The following C2orf80 variants were observed in gnomAD, a reference collection of about 807,000 sequenced individuals.
C2orf80 encodes chromosome 2 open reading frame 80.
A neutral mutation model predicts 30.2 loss-of-function variants in C2orf80; 28 were observed. That is an observed-to-expected ratio of 0.93 (90% CI 0.69 to 1.27). The LOEUF (loss-of-function observed/expected upper bound fraction) is 1.27. C2orf80 is among the 50% of genes most tolerant of loss of function. The probability of loss-of-function intolerance (pLI) is 0.00; values close to 1 mark genes in which losing one functional copy is unlikely to be tolerated. For synonymous variants in C2orf80, 80 were observed against 76.4 expected (o/e 1.05, Z -0.24); for missense variants, 220 against 231.0 (o/e 0.95, Z 0.31).
At chr2:208,189,888 C>G in intron 1 of C2orf80, 65 bp downstream of exon 1, 1 of 701,422 alleles carries the variant, frequency 1.4e-6, no homozygotes, top group East Asian at 2.7e-5. Context: ...AATCGTGGTA[C>G]AGGTCTCTCG....
chr2:208,169,743 GAA>G (rs1696035121), intron 8 of C2orf80, among the ~76,000 whole-genome samples: 1 of 149,858 alleles, frequency 6.7e-6, no homozygotes, highest in African/African-American at 2.4e-5. Context: ...AAGAAAAAAA[GAA>G]AAGAAAATCT....
At chr2:208,181,179 T>C (rs188427428) in intron 5 of C2orf80, 39 bp downstream of exon 5, 1 of 1,320,662 alleles carries the variant, frequency 7.6e-7, no homozygotes, top group Non-Finnish European at 1.1e-6. Flanking sequence ...AGAGTAGATA[T>C]GAAATATTCA....
intron 6 of C2orf80, among the ~76,000 whole-genome samples, chr2:208,178,275 G>A (rs771559206): frequency 6.6e-6 from 1 of 152,094 alleles, no homozygotes; most frequent in African/African-American, 2.4e-5. Context: ...CATGTGAGTT[G>A]GGACCAACTA....
At chr2:208,186,649 C>G (rs1696726818) in intron 2 of C2orf80, among the ~76,000 whole-genome samples, 1 of 152,148 alleles carries the variant, frequency 6.6e-6, no homozygotes, top group Non-Finnish European at 1.5e-5. Context: ...GTGTATCTTG[C>G]CTACACAGGC....
intron 6 of C2orf80, 40 bp from the exon 7 acceptor site, chr2:208,172,115 A>G (rs1354282135): frequency 2.0e-6 from 3 of 1,484,792 alleles, no homozygotes; most frequent in Non-Finnish European, 2.8e-6. Context: ...TCTGTCCATC[A>G]TCTGCGGCAT....
At chr2:208,169,269 T>TTTTGTGTGTG (rs1553595423) in intron 8 of C2orf80, among the ~76,000 whole-genome samples, 3 of 137,968 alleles carry the variant, frequency 2.2e-5, no homozygotes, top group Middle Eastern at 3.4e-3. Context: ...AAAGTCTAGA[T>TTTTGTGTGTG]TGTGTGTGTG....
In C2orf80 at chr2:208,171,039, G is replaced by C. The variant is rs1250174002; in HGVS notation, c.479C>G (p.Thr160Arg). 8 of 1,613,802 alleles carry C rather than the reference G, an allele frequency of 5.0e-6. No homozygotes were observed. The highest frequency in any genetic ancestry group is 6.8e-6 in the Non-Finnish European group (8 of 1,179,852). ...AGAGATGCTGGTGGCATTTTTATTT[G>C]TTGTTACCTTTCTTGACTTGACACC... ...KQSVKSRKVT[T>R]NKNATSISAK... Residue 160 changes from threonine (T) to arginine (R), a missense_variant, in exon 8 of 9, where the codon ACA becomes AGA. Physicochemically the swap from Thr to Arg is moderately conservative, Grantham distance 71. Transcript: ENST00000341287.
chr2:208,172,293 C>G (rs543730836), intron 6 of C2orf80, among the ~76,000 whole-genome samples: 1 of 152,266 alleles, frequency 6.6e-6, no homozygotes, highest in South Asian at 2.1e-4. Context: ...TACTTGGTTC[C>G]CATTTCCTAG....
In C2orf80 at chr2:208,170,940, C is replaced by T; in HGVS notation, c.573+5G>A. ...GTTTGGTCCAATTTACAATCTCACA[C>T]CTACTTTGTGCTTTGGCTGTGTGTC... On this transcript the variant is annotated splice_donor_5th_base_variant and intron_variant, in intron 8 of 8. Transcript: ENST00000341287. 1 of 1,610,986 alleles carries T rather than the reference C, an allele frequency of 6.2e-7. No individual in the cohort carries two copies. Among genetic ancestry groups the T allele is most frequent in the Non-Finnish European group, 8.5e-7 (1 of 1,177,204 alleles).
intron 8 of C2orf80, among the ~76,000 whole-genome samples, chr2:208,170,444 A>G (rs1043302032): frequency 1.3e-5 from 2 of 152,166 alleles, no homozygotes; most frequent in African/African-American, 2.4e-5. Flanking sequence ...AATCAGATGG[A>G]CAGGGGAGGA....
intron 6 of C2orf80, among the ~76,000 whole-genome samples, chr2:208,176,949 ATATCT>A (rs1696346873): frequency 2.8e-5 from 3 of 108,018 alleles, no homozygotes; most frequent in African/African-American, 6.9e-5. Flanking sequence ...ATCTGTATAC[ATATCT>A]GTATACATAT....
chr2:208,177,489 C>T (rs183149530), intron 6 of C2orf80, among the ~76,000 whole-genome samples: 2 of 151,922 alleles, frequency 1.3e-5, no homozygotes, highest in Non-Finnish European at 2.9e-5. Context: ...TGCAGTGAGC[C>T]GAGATTGCAC....
intron 6 of C2orf80, among the ~76,000 whole-genome samples, chr2:208,176,951 AT>A (rs1559340532): frequency 8.2e-5 from 3 of 36,660 alleles, no homozygotes; most frequent in Non-Finnish European, 1.5e-4. Context: ...CTGTATACAT[AT>A]CTGTATACAT....
intron 2 of C2orf80, among the ~76,000 whole-genome samples, chr2:208,185,351 C>T (rs972442512): frequency 6.6e-6 from 1 of 152,194 alleles, no homozygotes; most frequent in African/African-American, 2.4e-5. Context: ...AGGATTGAGA[C>T]ACACTGTTTA....
At chr2:208,185,269 T>C (rs1348608901) in intron 2 of C2orf80, among the ~76,000 whole-genome samples, 1 of 152,146 alleles carries the variant, frequency 6.6e-6, no homozygotes. Context: ...TAAACTCAAT[T>C]GGAACAGAAT....
intron 6 of C2orf80, among the ~76,000 whole-genome samples, chr2:208,175,802 C>T (rs1472658533): frequency 6.6e-6 from 1 of 151,738 alleles, no homozygotes; most frequent in Non-Finnish European, 1.5e-5. Context: ...CCAAAAGACT[C>T]TTTTAAAATA....
At chr2:208,174,499 G>A (rs1221714885) in intron 6 of C2orf80, among the ~76,000 whole-genome samples, 1 of 152,156 alleles carries the variant, frequency 6.6e-6, no homozygotes, top group Non-Finnish European at 1.5e-5. Flanking sequence ...GGAAATAACA[G>A]CACTAATATG....
Position 208,184,940 on chromosome 2 carries a change from C to T in C2orf80, c.123+11G>A, listed in dbSNP as rs191735608. ...CACAAATATGACTCGCATCAGCGTG[C>T]CTTTCTTTACCATATCATCTAGAAA... On this transcript the variant is annotated intron_variant, in intron 3 of 8. Transcript: ENST00000341287. 160 of 1,608,094 alleles carry T rather than the reference C, an allele frequency of 9.9e-5. 2 individuals are homozygous for T. In the African/African-American group the frequency reaches 1.9e-3, roughly 19 times the overall value.
At chr2:208,180,461 A>C (rs1035674337) in intron 6 of C2orf80, among the ~76,000 whole-genome samples, 4 of 151,134 alleles carry the variant, frequency 2.6e-5, no homozygotes, top group African/African-American at 4.9e-5. Context: ...AAAAAAAAAA[A>C]CAAAACCACA....
Sources: gnomAD v4.1 joint callset for allele counts (sites outside exome capture counted in the v4.1 genomes callset) on GRCh38, gnomAD v4.1.1 for gene constraint, MANE v1.5 for transcripts, NCBI Gene and HGNC (gene_info 2026-07-23, HGNC 2026-07-21) for gene names.